VPS13B: variants seen among roughly 807,000 people sequenced by gnomAD.
VPS13B encodes the protein vacuolar protein sorting 13 homolog B, also known as intermembrane lipid transfer protein VPS13B.
In VPS13B, 285 loss-of-function variants were observed where a neutral mutation model predicts 426.4. The observed-to-expected ratio is 0.67, with a 90% CI of 0.61 to 0.74. The LOEUF is 0.74. Ranked by LOEUF, VPS13B falls within the 30% of genes least tolerant of loss-of-function variation. The probability of loss-of-function intolerance (pLI) is 0.00; values close to 1 mark genes in which losing one functional copy is unlikely to be tolerated. For missense variants in VPS13B, 4,537 were observed against 4,782.6 expected (o/e 0.95, Z 1.51); for synonymous variants, 1,676 against 1,676.4 (o/e 1.00, Z 0.01).
intron 26 of VPS13B, 111 bp from the exon 27 acceptor site, chr8:99,502,725 A>G (rs1821309728): frequency 2.4e-6 from 2 of 837,922 alleles, no homozygotes; most frequent in Non-Finnish European, 4.1e-6. Context: ...TTGTGATCTC[A>G]GCGCCTCTGT....
chr8:99,850,750 A>G (rs865975187), intron 55 of VPS13B, among the ~76,000 whole-genome samples: 1 of 152,110 alleles, frequency 6.6e-6, no homozygotes, highest in Middle Eastern at 3.2e-3. Context: ...ACATGGCGAA[A>G]CCCTGTCTCT....
rs777019428 is a variant in VPS13B at position 99,809,470 on chromosome 8, C to T, written c.8037C>T (p.Tyr2679=). The T allele has an allele frequency of 7.4e-6, 12 of 1,613,900 alleles. No individual in the cohort carries two copies. The highest frequency in any genetic ancestry group is 4.4e-5 in the South Asian group (4 of 91,080). ...HAGTFIRTIQ[Y]RGRTASLIIK... ...GGACTTTTATTAGAACAATTCAGTACAGGGGTCGAACTGCTTCTCTCATCA... is the reference window on the plus strand; with the variant it reads ...GGACTTTTATTAGAACAATTCAGTATAGGGGTCGAACTGCTTCTCTCATCA... Residue 2679 remains tyrosine (Y), a synonymous_variant, in exon 44 of 62, where the codon TAC becomes TAT. Coordinates refer to ENST00000357162, the MANE Select transcript of VPS13B (RefSeq NM_152564.5).
At chr8:99,720,809 C>T in intron 38 of VPS13B, 54 bp from the exon 39 acceptor site, 2 of 1,506,688 alleles carry the variant, frequency 1.3e-6, no homozygotes, top group Non-Finnish European at 1.8e-6. Flanking sequence ...TACTTTTTCC[C>T]CTTTGTCATG....
intron 30 of VPS13B, among the ~76,000 whole-genome samples, chr8:99,546,738 A>C (rs1291636397): frequency 6.6e-6 from 1 of 152,070 alleles, no homozygotes; most frequent in Non-Finnish European, 1.5e-5. Context: ...CTGGAAATGA[A>C]AGAATGTAAT....
At chr8:99,105,535 T>C (rs1427068780) in intron 5 of VPS13B, among the ~76,000 whole-genome samples, 1 of 152,098 alleles carries the variant, frequency 6.6e-6, no homozygotes, top group Non-Finnish European at 1.5e-5. Context: ...CCTGCCAGCA[T>C]GCCTGGCTAA....
intron 1 of VPS13B, 35 bp from the exon 2 acceptor site, chr8:99,013,725 C>T (rs529066036): frequency 3.1e-6 from 5 of 1,603,498 alleles, no homozygotes; most frequent in Admixed American, 3.3e-5. Flanking sequence ...TTCACTCTAC[C>T]GCCGACTTCT....
At chr8:99,372,927 G>A (rs982588712) in intron 19 of VPS13B, among the ~76,000 whole-genome samples, 3 of 152,186 alleles carry the variant, frequency 2.0e-5, no homozygotes, top group Non-Finnish European at 2.9e-5. Context: ...ATGCCCATCA[G>A]TGATAGACTG....
At chr8:99,756,209 A>G (rs1810634295) in intron 39 of VPS13B, among the ~76,000 whole-genome samples, 1 of 152,224 alleles carries the variant, frequency 6.6e-6, no homozygotes, top group Admixed American at 6.5e-5. Context: ...TAATAACTGA[A>G]ATGAAAAATT....
intron 25 of VPS13B, among the ~76,000 whole-genome samples, chr8:99,497,859 T>G (rs1443297465): frequency 6.6e-6 from 1 of 152,178 alleles, no homozygotes; most frequent in East Asian, 1.9e-4. Flanking sequence ...AAAATACTTA[T>G]GTCATTTCAT....
In VPS13B at chr8:99,778,788, G is replaced by A. The variant is rs1434963421; in HGVS notation, c.7536G>A (p.Trp2512Ter). The A allele has an allele frequency of 2.5e-6, 4 of 1,613,964 alleles. No individual in the cohort carries two copies. The highest frequency in any genetic ancestry group is 2.7e-5 in the African/African-American group (2 of 75,020). ...AACCACACATGTATCTTCGACAGTG[G>A]AATAATGGTTCTGTCTGTCAGGAGA... ...FREPHMYLRQ[W>*]NNGSVCQEIQ... Residue 2512 changes from tryptophan (W) to a stop codon, truncating the protein, a stop_gained, in exon 42 of 62, where the codon TGG (tryptophan) becomes TGA (stop). Transcript: ENST00000357162. LOFTEE classifies it high-confidence loss of function.
intron 30 of VPS13B, among the ~76,000 whole-genome samples, chr8:99,525,446 G>T (rs952037735): frequency 6.6e-6 from 1 of 152,148 alleles, no homozygotes; most frequent in African/African-American, 2.4e-5. Context: ...GTGTCATAGG[G>T]AGTAGTTCAT....
intron 52 of VPS13B, 46 bp downstream of exon 52, chr8:99,832,698 C>A: frequency 6.3e-7 from 1 of 1,596,458 alleles, no homozygotes; most frequent in Non-Finnish European, 8.6e-7. Context: ...GCTTGTCAGT[C>A]TAGCTGTTCA....
intron 5 of VPS13B, among the ~76,000 whole-genome samples, chr8:99,105,330 GGATTGTAT>G (rs1272610110): frequency 1.3e-5 from 2 of 152,114 alleles, no homozygotes; most frequent in Non-Finnish European, 2.9e-5. Flanking sequence ...GGACAATGTA[GGATTGTAT>G]TAATGAGTTG....
At chr8:99,784,244 T>A (rs1812152140) in intron 42 of VPS13B, 71 bp from the exon 43 acceptor site, 1 of 1,602,788 alleles carries the variant, frequency 6.2e-7, no homozygotes, top group Admixed American at 1.7e-5. Flanking sequence ...CAATCGCCAC[T>A]GGGCAGACAG....
intron 56 of VPS13B, 69 bp downstream of exon 56, chr8:99,854,325 A>T (rs1816444224): frequency 6.5e-7 from 1 of 1,534,290 alleles, no homozygotes; most frequent in African/African-American, 1.4e-5. Flanking sequence ...TGGGGGTAGC[A>T]CCTCATTTCA....
chr8:99,498,749 C>T (rs1417947942), intron 25 of VPS13B, among the ~76,000 whole-genome samples: 2 of 152,040 alleles, frequency 1.3e-5, no homozygotes, highest in Non-Finnish European at 2.9e-5. Flanking sequence ...CAGTCTGAGT[C>T]ATGGTAAAGT....
At chr8:99,865,630 T>C (rs1817061642) in intron 58 of VPS13B, among the ~76,000 whole-genome samples, 1 of 152,240 alleles carries the variant, frequency 6.6e-6, no homozygotes, top group South Asian at 2.1e-4. Context: ...AGTGCGGAAT[T>C]TAGGAATGAC....
Position 99,832,446 on chromosome 8 carries a change from T to C in VPS13B, c.9408T>C (p.Leu3136=). 1 of 1,603,616 alleles carries C rather than the reference T, an allele frequency of 6.2e-7. No individual in the cohort carries two copies. Among genetic ancestry groups the C allele is most frequent in the Non-Finnish European group, 8.5e-7 (1 of 1,175,918 alleles). ...AGCCTGCTATGAAATCCAGCTCCCTTCCTTGCTGGGACTTGATGCCTGACA... is the reference window on the plus strand; with the variant it reads ...AGCCTGCTATGAAATCCAGCTCCCTCCCTTGCTGGGACTTGATGCCTGACA... ...GEQPAMKSSS[L]PCWDLMPDIS... The change falls in exon 52 of 62, where the codon CTT becomes CTC. Residue 3136 remains leucine, a synonymous_variant. Transcript: ENST00000357162.
At chr8:99,817,970 A>C (rs529343908) in intron 45 of VPS13B, among the ~76,000 whole-genome samples, 167 bp downstream of exon 45, 5 of 152,178 alleles carry the variant, frequency 3.3e-5, no homozygotes, top group Non-Finnish European at 1.5e-5. Context: ...ATCCCACGAC[A>C]ATACATTTGT....
Sources: allele counts gnomAD v4.1 joint callset (sites outside exome capture counted in the v4.1 genomes callset), GRCh38; gene constraint gnomAD v4.1.1; transcripts MANE v1.5; gene names NCBI Gene and HGNC (gene_info 2026-07-23, HGNC 2026-07-21).